GRIN3A: variants seen among roughly 807,000 people sequenced by gnomAD.
GRIN3A encodes glutamate receptor ionotropic, NMDA 3A.
In GRIN3A, 47 loss-of-function variants were observed where a neutral mutation model predicts 92.4. That is an observed-to-expected ratio of 0.51 (90% CI 0.40 to 0.65). The LOEUF is 0.65. Ranked by LOEUF, GRIN3A falls within the 30% of genes least tolerant of loss-of-function variation. The probability of loss-of-function intolerance (pLI) is 0.00; values close to 1 mark genes in which losing one functional copy is unlikely to be tolerated. For missense variants in GRIN3A, 1,324 were observed against 1,393.1 expected, an observed-to-expected ratio of 0.95 and a Z score of 0.79; for synonymous variants, 527 against 540.6, an observed-to-expected ratio of 0.97 and a Z score of 0.35.
Position 101,683,866 on chromosome 9 carries a change from G to GAT in GRIN3A, c.1304+2729_1304+2730insAT, listed in dbSNP as rs539965034. ...AGACAGTGAGAGAGAGAGAGAGAGAGAGAGAGAGAGAGAGCGAGAGAGAAA... is the reference window on the plus strand; with the variant it reads ...AGACAGTGAGAGAGAGAGAGAGAGAGATAGAGAGAGAGAGAGCGAGAGAGAAA... On this transcript the variant is annotated intron_variant, in intron 2 of 8. Coordinates refer to ENST00000361820, the MANE Select transcript of GRIN3A (RefSeq NM_133445.3). Among the ~76,000 whole-genome samples the GAT allele has an allele frequency of 2.4e-4, 36 of 151,168 alleles. No individual in the cohort carries two copies. The South Asian group carries it at 7.5e-3, about 31-fold the overall frequency.
chr9:101,666,732 C>T (rs1215733307), intron 3 of GRIN3A, among the ~76,000 whole-genome samples: 2 of 152,036 alleles, frequency 1.3e-5, no homozygotes, highest in African/African-American at 4.8e-5. Flanking sequence ...CTTGAATGTA[C>T]CAGCATCTTC....
intron 3 of GRIN3A, among the ~76,000 whole-genome samples, chr9:101,630,024 G>A (rs1828690878): frequency 6.6e-6 from 1 of 152,108 alleles, no homozygotes; most frequent in Non-Finnish European, 1.5e-5. Flanking sequence ...TGAACCCCCG[G>A]GGCTGTTCTC....
chr9:101,617,585 G>T (rs1454862375), intron 5 of GRIN3A, among the ~76,000 whole-genome samples: 1 of 151,926 alleles, frequency 6.6e-6, no homozygotes, highest in African/African-American at 2.4e-5. Context: ...TTAAATACAT[G>T]TATTGAATAT....
chr9:101,611,143 G>A (rs1588247414), intron 6 of GRIN3A, among the ~76,000 whole-genome samples: 1 of 151,068 alleles, frequency 6.6e-6, no homozygotes, highest in Non-Finnish European at 1.5e-5. Flanking sequence ...AACCAGAAAT[G>A]TACTACCTCA....
chr9:101,611,780 A>G (rs10217535), intron 6 of GRIN3A, among the ~76,000 whole-genome samples: 47,320 of 152,124 alleles, frequency 0.31, 7,639 homozygotes, highest in East Asian at 0.37. Context: ...AATTATGACA[A>G]GTGCTATGAC....
intron 6 of GRIN3A, among the ~76,000 whole-genome samples, chr9:101,595,388 T>C (rs1564121943): frequency 6.6e-6 from 1 of 151,766 alleles, no homozygotes; most frequent in Non-Finnish European, 1.5e-5. Flanking sequence ...TTCGCTGCAG[T>C]ATCCCAGAAG....
At chr9:101,580,588 T>G (rs1328082258) in intron 6 of GRIN3A, among the ~76,000 whole-genome samples, 1 of 152,122 alleles carries the variant, frequency 6.6e-6, no homozygotes, top group East Asian at 1.9e-4. Flanking sequence ...AATCATCTAG[T>G]TCATTTACAG....
chr9:101,669,034 A>G (rs1336170683), intron 3 of GRIN3A, among the ~76,000 whole-genome samples: 1 of 152,300 alleles, frequency 6.6e-6, no homozygotes, highest in African/African-American at 2.4e-5. Context: ...AGCTTAGCTT[A>G]AGTTGCTTTA....
chr9:101,684,270 A>ATTTTTT (rs3082771), intron 2 of GRIN3A, among the ~76,000 whole-genome samples: 4 of 87,062 alleles, frequency 4.6e-5, no homozygotes, highest in East Asian at 6.7e-4. Context: ...TGCTTAGCTA[A>ATTTTTT]TTTTTTTTTT....
At chr9:101,677,556 T>C (rs569741655) in intron 2 of GRIN3A, among the ~76,000 whole-genome samples, 9 of 152,218 alleles carry the variant, frequency 5.9e-5, no homozygotes, top group African/African-American at 1.9e-4. Flanking sequence ...GAGATCCATC[T>C]ATTTACTTCC....
At chr9:101,649,813 T>C (rs1366216869) in intron 3 of GRIN3A, among the ~76,000 whole-genome samples, 1 of 152,050 alleles carries the variant, frequency 6.6e-6, no homozygotes, top group East Asian at 1.9e-4. Context: ...GGGCTTAACC[T>C]AGATGTCTTT....
intron 1 of GRIN3A, among the ~76,000 whole-genome samples, chr9:101,729,155 C>G (rs375791075): frequency 5.3e-4 from 81 of 152,310 alleles, no homozygotes; most frequent in African/African-American, 1.8e-3. Context: ...AACCTGCCTT[C>G]CAAGGATAAG....
intron 3 of GRIN3A, among the ~76,000 whole-genome samples, chr9:101,641,727 A>G (rs1828866555): frequency 6.6e-6 from 1 of 151,940 alleles, no homozygotes; most frequent in Admixed American, 6.6e-5. Context: ...ACATGTATAC[A>G]TATGTAACAA....
chr9:101,694,516 T>G (rs1829657265), intron 1 of GRIN3A, among the ~76,000 whole-genome samples: 1 of 151,664 alleles, frequency 6.6e-6, no homozygotes, highest in East Asian at 2.0e-4. Flanking sequence ...GATACCCAAC[T>G]CATTCATCTA....
At chr9:101,626,198 C>A (rs573314894) in intron 4 of GRIN3A, among the ~76,000 whole-genome samples, 2 of 152,252 alleles carry the variant, frequency 1.3e-5, no homozygotes, top group East Asian at 3.9e-4. Context: ...TTTTCTTAAG[C>A]ATTATTTAAA....
At chr9:101,589,094 C>T (rs1827988213) in intron 6 of GRIN3A, among the ~76,000 whole-genome samples, 1 of 152,056 alleles carries the variant, frequency 6.6e-6, no homozygotes, top group African/African-American at 2.4e-5. Context: ...TTTCTGCCTC[C>T]CAAGTAGCTG....
At chr9:101,594,453 C>T (rs747246148) in intron 6 of GRIN3A, 2 of 1,613,638 alleles carry the variant, frequency 1.2e-6, no homozygotes, top group Admixed American at 1.7e-5. Flanking sequence ...AGGTCTCTGA[C>T]CACAGCACTG....
chr9:101,595,819 C>A (rs749804480), intron 6 of GRIN3A, among the ~76,000 whole-genome samples: 1 of 152,160 alleles, frequency 6.6e-6, no homozygotes, highest in African/African-American at 2.4e-5. Context: ...TGGTGCCTGG[C>A]GGCTATTCTG....
At chr9:101,588,842 A>G (rs1166689464) in intron 6 of GRIN3A, among the ~76,000 whole-genome samples, 13 of 152,024 alleles carry the variant, frequency 8.6e-5, no homozygotes, top group Admixed American at 8.5e-4. Context: ...TAGTTGCCTA[A>G]TACTATCACC....
Sources: gnomAD v4.1 joint callset for allele counts (sites outside exome capture counted in the v4.1 genomes callset) on GRCh38, gnomAD v4.1.1 for gene constraint, MANE v1.5 for transcripts, NCBI Gene and HGNC (gene_info 2026-07-23, HGNC 2026-07-21) for gene names.